KDM4C: variants seen among roughly 807,000 people sequenced by gnomAD.
KDM4C encodes the protein lysine-specific demethylase 4C.
KDM4C carries 81 observed loss-of-function variants against 129.3 expected under a neutral mutation model. The observed-to-expected ratio is 0.63, with a 90% CI of 0.52 to 0.75. KDM4C has a LOEUF of 0.75. Among genes scored for constraint, KDM4C ranks in the 30% least tolerant of loss-of-function variants. The probability of loss-of-function intolerance (pLI) is 0.00; values close to 1 mark genes in which losing one functional copy is unlikely to be tolerated. For missense variants in KDM4C, 1,457 were observed against 1,304.0 expected (o/e 1.12, Z -1.81); for synonymous variants, 573 against 456.1 (o/e 1.26, Z -3.26).
chr9:6,842,877 C>A (rs1356590103), intron 4 of KDM4C, among the ~76,000 whole-genome samples: 3 of 152,074 alleles, frequency 2.0e-5, no homozygotes, highest in Non-Finnish European at 4.4e-5. Context: ...GTTTGTAAGT[C>A]CTGCTTTATT....
At chr9:7,129,106 C>A (rs1304004418) in intron 19 of KDM4C, among the ~76,000 whole-genome samples, 1 of 152,106 alleles carries the variant, frequency 6.6e-6, no homozygotes, top group South Asian at 2.1e-4. Context: ...ATGTAGTCAT[C>A]ACTTCTGCCT....
chr9:6,783,690 C>G (rs148570269), intron 1 of KDM4C, among the ~76,000 whole-genome samples: 6 of 152,140 alleles, frequency 3.9e-5, no homozygotes, highest in African/African-American at 9.7e-5. Flanking sequence ...TTGCCCACCA[C>G]CCACAAAAGC....
At chr9:6,752,935 C>T (rs1329345037), upstream of KDM4C, among the ~76,000 whole-genome samples, 1 of 152,246 alleles carries the variant, frequency 6.6e-6, no homozygotes, top group Admixed American at 6.5e-5. Flanking sequence ...TGTGATATTC[C>T]AGGCACTCTA....
At chr9:7,135,246 C>T (rs894595982) in intron 19 of KDM4C, among the ~76,000 whole-genome samples, 1 of 146,034 alleles carries the variant, frequency 6.8e-6, no homozygotes, top group Non-Finnish European at 1.5e-5. Context: ...CTGACAGTTA[C>T]GTTTTTCTTC....
intron 8 of KDM4C, among the ~76,000 whole-genome samples, chr9:6,930,541 A>G (rs1425333018): frequency 3.1e-5 from 3 of 97,474 alleles, no homozygotes; most frequent in Admixed American, 2.7e-4. Context: ...TATATGTGTT[A>G]TATATAACAA....
intron 17 of KDM4C, among the ~76,000 whole-genome samples, chr9:7,066,306 C>T (rs1448387558): frequency 4.6e-5 from 7 of 152,134 alleles, no homozygotes; most frequent in Non-Finnish European, 2.9e-5. Flanking sequence ...TCCCCCTCTC[C>T]ACCCCGCAAA....
At chr9:7,045,983 A>G (rs928327688) in intron 15 of KDM4C, among the ~76,000 whole-genome samples, 1 of 152,050 alleles carries the variant, frequency 6.6e-6, no homozygotes, top group African/African-American at 2.4e-5. Flanking sequence ...TCGTATATAA[A>G]CTTTGGAGGA....
At chr9:6,856,368 C>T (rs1003410442) in intron 5 of KDM4C, among the ~76,000 whole-genome samples, 1 of 152,004 alleles carries the variant, frequency 6.6e-6, no homozygotes, top group Non-Finnish European at 1.5e-5. Flanking sequence ...GCTATTTTGT[C>T]TAGAAAAAAT....
intron 8 of KDM4C, among the ~76,000 whole-genome samples, chr9:6,919,476 C>A (rs1056701319): frequency 6.7e-6 from 1 of 149,698 alleles, no homozygotes; most frequent in South Asian, 2.2e-4. Context: ...CTTTGTTTTT[C>A]TATTTAACAA....
chr9:6,734,690 T>C (rs1202811241), intron 1 of KDM4C: 1 of 306,226 alleles, frequency 3.3e-6, no homozygotes, highest in African/African-American at 2.2e-5. Flanking sequence ...CCTTTCACAG[T>C]GATTATGGCT....
intron 1 of KDM4C, chr9:6,748,578 T>C (rs1183167795): frequency 5.2e-6 from 3 of 573,670 alleles, no homozygotes; most frequent in Non-Finnish European, 9.5e-6. Flanking sequence ...TCCCACAGCA[T>C]TTATTGCCAT....
upstream of KDM4C, chr9:6,757,775 C>T (rs778555578): frequency 3.0e-6 from 3 of 985,474 alleles, no homozygotes; most frequent in Non-Finnish European, 2.4e-6. Flanking sequence ...GAGTATCTTT[C>T]CCCTCCGGAA....
chr9:7,001,572 A>G (rs1820726110), intron 12 of KDM4C, among the ~76,000 whole-genome samples: 1 of 152,182 alleles, frequency 6.6e-6, no homozygotes, highest in Admixed American at 6.5e-5. Context: ...TGAATAGTCC[A>G]TGTCTTTATC....
At chr9:7,155,767 A>T (rs998806896) in intron 19 of KDM4C, among the ~76,000 whole-genome samples, 2 of 152,202 alleles carry the variant, frequency 1.3e-5, no homozygotes, top group African/African-American at 4.8e-5. Flanking sequence ...ATTGATGGAC[A>T]TTTGTGTTGG....
chr9:6,855,907 T>C (rs1001782117), intron 5 of KDM4C, among the ~76,000 whole-genome samples: 2 of 152,204 alleles, frequency 1.3e-5, no homozygotes, highest in South Asian at 2.1e-4. Flanking sequence ...TTATGTGGTT[T>C]AAATTTTCTT....
chr9:7,137,214 A>C (rs1460719825), intron 19 of KDM4C, among the ~76,000 whole-genome samples: 1 of 152,234 alleles, frequency 6.6e-6, no homozygotes, highest in Non-Finnish European at 1.5e-5. Context: ...GCCTGAGAGC[A>C]GAACTGTTGG....
chr9:7,081,121 T>A (rs1834475844), intron 17 of KDM4C, among the ~76,000 whole-genome samples: 1 of 152,224 alleles, frequency 6.6e-6, no homozygotes, highest in South Asian at 2.1e-4. Context: ...GAAGGCTGAG[T>A]AACTGATCTT....
chr9:6,944,234 T>C (rs1054975387), intron 8 of KDM4C, among the ~76,000 whole-genome samples: 5 of 152,228 alleles, frequency 3.3e-5, no homozygotes, highest in African/African-American at 7.2e-5. Context: ...TTTGAACTTA[T>C]GCCAGATTCA....
At chr9:6,888,243 A>G (rs1460767005) in intron 7 of KDM4C, among the ~76,000 whole-genome samples, 180 bp downstream of exon 7, 2 of 152,180 alleles carry the variant, frequency 1.3e-5, no homozygotes, top group East Asian at 3.8e-4. Flanking sequence ...TTTATTTCAA[A>G]TATATTTACT....
Sources: gnomAD v4.1 joint callset for allele counts (sites outside exome capture counted in the v4.1 genomes callset) on GRCh38, gnomAD v4.1.1 for gene constraint, MANE v1.5 for transcripts, NCBI Gene and HGNC (gene_info 2026-07-23, HGNC 2026-07-21) for gene names.